The following CNTNAP2 variants were observed in gnomAD, a reference collection of about 807,000 sequenced individuals.
CNTNAP2 encodes contactin-associated protein-like 2.
Under a neutral mutation model 155.2 loss-of-function variants are expected in CNTNAP2, and 98 were observed. That is an observed-to-expected ratio of 0.63 (90% confidence interval 0.54 to 0.75). The LOEUF (loss-of-function observed/expected upper bound fraction) is 0.75, where lower values mean the gene tolerates loss of function less well. Ranked by LOEUF, CNTNAP2 falls within the 30% of genes least tolerant of loss-of-function variation. The pLI, the probability that CNTNAP2 is intolerant of heterozygous loss-of-function variation, is 0.00. For missense variants in CNTNAP2, 1,727 were observed against 1,688.1 expected (o/e 1.02, Z -0.40); for synonymous variants, 651 against 631.2 (o/e 1.03, Z -0.47).
intron 13 of CNTNAP2, among the ~76,000 whole-genome samples, chr7:147,727,204 C>A (rs1796659710): frequency 6.6e-6 from 1 of 151,894 alleles, no homozygotes; most frequent in South Asian, 2.1e-4. Flanking sequence ...AGGAACTGGA[C>A]CTTTCATCTC....
intron 1 of CNTNAP2, among the ~76,000 whole-genome samples, chr7:146,439,605 T>G (rs1379204369): frequency 1.3e-5 from 2 of 151,606 alleles, no homozygotes; most frequent in African/African-American, 2.4e-5. Context: ...AAATGCCATC[T>G]GCATCTACTT....
At chr7:148,188,585 C>T (rs925337997) in intron 18 of CNTNAP2, among the ~76,000 whole-genome samples, 5 of 152,220 alleles carry the variant, frequency 3.3e-5, no homozygotes, top group Admixed American at 6.5e-5. Flanking sequence ...TTTCTCTCCC[C>T]TCTGGCAGTT....
At chr7:146,809,730 G>A (rs1803030518) in intron 2 of CNTNAP2, among the ~76,000 whole-genome samples, 1 of 152,076 alleles carries the variant, frequency 6.6e-6, no homozygotes. Flanking sequence ...TTTTGTAATT[G>A]AGTTCCTTAT....
At chr7:147,291,538 A>G (rs555398083) in intron 8 of CNTNAP2, among the ~76,000 whole-genome samples, 1 of 152,240 alleles carries the variant, frequency 6.6e-6, no homozygotes, top group African/African-American at 2.4e-5. Flanking sequence ...TTGTTTGAAT[A>G]TATACTGTAT....
intron 13 of CNTNAP2, among the ~76,000 whole-genome samples, chr7:147,647,567 A>G (rs1029532943): frequency 1.3e-5 from 2 of 152,114 alleles, no homozygotes; most frequent in African/African-American, 4.8e-5. Context: ...TGGGCTATTC[A>G]TGGCTTTTCT....
chr7:147,972,799 A>C (rs1379247867), intron 14 of CNTNAP2, among the ~76,000 whole-genome samples: 2 of 148,284 alleles, frequency 1.3e-5, no homozygotes, highest in Admixed American at 6.6e-5. Flanking sequence ...AAGGATCGTA[A>C]CTTTCAACAA....
intron 11 of CNTNAP2, among the ~76,000 whole-genome samples, chr7:147,541,546 A>G (rs955334909): frequency 1.3e-5 from 2 of 152,184 alleles, no homozygotes; most frequent in African/African-American, 4.8e-5. Context: ...CTGTGGTTCT[A>G]TGAACAACTC....
At chr7:146,827,372 G>A (rs932730393) in intron 2 of CNTNAP2, among the ~76,000 whole-genome samples, 1 of 151,846 alleles carries the variant, frequency 6.6e-6, no homozygotes, top group Non-Finnish European at 1.5e-5. Flanking sequence ...TCTAATAGAG[G>A]GGCAATTTGG....
intron 20 of CNTNAP2, among the ~76,000 whole-genome samples, chr7:148,247,776 C>T (rs1365681406): frequency 6.6e-6 from 1 of 151,752 alleles, no homozygotes; most frequent in African/African-American, 2.4e-5. Context: ...GCCTCAGCCT[C>T]CCCAGTAGCT....
chr7:147,333,696 A>T (rs13231364), intron 9 of CNTNAP2, among the ~76,000 whole-genome samples: 1 of 152,092 alleles, frequency 6.6e-6, no homozygotes, highest in Admixed American at 6.6e-5. Flanking sequence ...ATTGGTTAAT[A>T]GATTTATCCT....
chr7:148,224,247 T>C (rs1795803378), intron 19 of CNTNAP2, among the ~76,000 whole-genome samples: 1 of 152,040 alleles, frequency 6.6e-6, no homozygotes, highest in African/African-American at 2.4e-5. Context: ...AACGTGTTTT[T>C]TCTGCGTGTT....
At chr7:147,156,176 A>G (rs1409903550) in intron 8 of CNTNAP2, among the ~76,000 whole-genome samples, 1 of 152,142 alleles carries the variant, frequency 6.6e-6, no homozygotes, top group Non-Finnish European at 1.5e-5. Flanking sequence ...GCAAAATATA[A>G]GAGAAGTGAT....
intron 15 of CNTNAP2, among the ~76,000 whole-genome samples, chr7:148,094,632 T>C (rs1266112044): frequency 1.3e-5 from 2 of 152,098 alleles, no homozygotes; most frequent in Non-Finnish European, 2.9e-5. Flanking sequence ...TTGACAGAAT[T>C]TGGCACCTGA....
chr7:146,970,449 T>C (rs572132000), intron 3 of CNTNAP2, among the ~76,000 whole-genome samples: 94 of 152,096 alleles, frequency 6.2e-4, no homozygotes, highest in East Asian at 6.0e-3. Context: ...AGCCAAAAAA[T>C]ACATGAAAAA....
chr7:147,612,554 C>A (rs1299909693), intron 12 of CNTNAP2, among the ~76,000 whole-genome samples: 1 of 152,062 alleles, frequency 6.6e-6, no homozygotes, highest in South Asian at 2.1e-4. Context: ...GCATGCACCA[C>A]CATGCCTGGC....
At chr7:146,442,970 G>A (rs1461880087) in intron 1 of CNTNAP2, among the ~76,000 whole-genome samples, 3 of 152,162 alleles carry the variant, frequency 2.0e-5, no homozygotes, top group Middle Eastern at 3.4e-3. Flanking sequence ...ACTTTGGGAG[G>A]CCGAGGCGGG....
intron 1 of CNTNAP2, among the ~76,000 whole-genome samples, chr7:146,191,235 G>T (rs999425510): frequency 6.6e-6 from 1 of 152,170 alleles, no homozygotes; most frequent in South Asian, 2.1e-4. Flanking sequence ...GGGTGTCCAG[G>T]GGGGACATCA....
intron 13 of CNTNAP2, among the ~76,000 whole-genome samples, chr7:147,834,872 C>A (rs752494385): frequency 6.6e-6 from 1 of 152,172 alleles, no homozygotes; most frequent in Non-Finnish European, 1.5e-5. Context: ...AAATAACAAA[C>A]ATTCAGTTCA....
At chr7:146,371,818 G>T (rs1795241018) in intron 1 of CNTNAP2, among the ~76,000 whole-genome samples, 1 of 151,902 alleles carries the variant, frequency 6.6e-6, no homozygotes, top group South Asian at 2.1e-4. Context: ...AATTAGCTGT[G>T]CATAGTGGCA....
Sources: allele counts gnomAD v4.1 joint callset (sites outside exome capture counted in the v4.1 genomes callset), GRCh38; gene constraint gnomAD v4.1.1; transcripts MANE v1.5; gene names NCBI Gene and HGNC (gene_info 2026-07-23, HGNC 2026-07-21).